PDLIM1: variants seen among roughly 807,000 people sequenced by gnomAD.
PDLIM1 encodes the protein PDZ and LIM domain protein 1.
Under a neutral mutation model 35.2 loss-of-function variants are expected in PDLIM1, and 25 were observed. The ratio of observed to expected loss-of-function variants is 0.71; its 90% CI spans 0.52 to 0.99. PDLIM1 has a LOEUF of 0.99. Among genes scored for constraint, PDLIM1 ranks in the 50% least tolerant of loss-of-function variants. The pLI is 0.00. For synonymous variants in PDLIM1, 152 were observed against 154.0 expected (o/e 0.99, Z 0.10); for missense variants, 363 against 415.3 (o/e 0.87, Z 1.09).
At chr10:95,270,047 T>A (rs1470664173) in intron 2 of PDLIM1, among the ~76,000 whole-genome samples, 2 of 152,152 alleles carry the variant, frequency 1.3e-5, no homozygotes, top group Non-Finnish European at 2.9e-5. Context: ...ATACTTAACT[T>A]TATATTTGTC....
At chr10:95,285,724 A>G (rs1243947496) in intron 1 of PDLIM1, among the ~76,000 whole-genome samples, 1 of 152,208 alleles carries the variant, frequency 6.6e-6, no homozygotes, top group Non-Finnish European at 1.5e-5. Flanking sequence ...ACTCACTGCT[A>G]TATGATGCAG....
At chr10:95,288,467 C>T (rs1003662283) in intron 1 of PDLIM1, among the ~76,000 whole-genome samples, 11 of 152,176 alleles carry the variant, frequency 7.2e-5, no homozygotes, top group Admixed American at 4.6e-4. Context: ...TTTGTCAGTG[C>T]TCACATTTCC....
intron 4 of PDLIM1, chr10:95,247,741 G>A (rs377296843): frequency 3.0e-5 from 5 of 164,660 alleles, no homozygotes; most frequent in Admixed American, 6.4e-5. Context: ...GAACTCAGCC[G>A]GGTCCCCCTT....
chr10:95,278,679 G>A (rs998247291), intron 1 of PDLIM1, among the ~76,000 whole-genome samples: 4 of 151,804 alleles, frequency 2.6e-5, no homozygotes, highest in African/African-American at 9.7e-5. Context: ...AGAGGATGAG[G>A]CTGTAGATGT....
chr10:95,256,986 A>AAGAAAGAAAG (rs566598672), intron 4 of PDLIM1, among the ~76,000 whole-genome samples: 5 of 61,662 alleles, frequency 8.1e-5, no homozygotes, highest in Middle Eastern at 8.2e-3. Context: ...AAAAAAAAAA[A>AAGAAAGAAAG]AAAGAAAGAA....
At chr10:95,276,108 G>C (rs2035509374) in intron 1 of PDLIM1, among the ~76,000 whole-genome samples, 1 of 152,078 alleles carries the variant, frequency 6.6e-6, no homozygotes, top group South Asian at 2.1e-4. Context: ...ATAATAATAT[G>C]ATTACCTCAC....
At chr10:95,239,518 G>A (rs552108853) in intron 5 of PDLIM1, among the ~76,000 whole-genome samples, 27 of 152,198 alleles carry the variant, frequency 1.8e-4, no homozygotes, top group Admixed American at 7.2e-4. Flanking sequence ...AAAATAAGCC[G>A]GGCACAGTAG....
chr10:95,249,662 C>A (rs576155069), intron 4 of PDLIM1, among the ~76,000 whole-genome samples: 1 of 152,340 alleles, frequency 6.6e-6, no homozygotes, highest in South Asian at 2.1e-4. Flanking sequence ...TCCTCTCCCT[C>A]TCTTCCTCTC....
chr10:95,268,917 C>A (rs1358492304), intron 2 of PDLIM1, 55 bp from the exon 3 acceptor site: 1 of 1,290,732 alleles, frequency 7.7e-7, no homozygotes, highest in African/African-American at 1.5e-5. Flanking sequence ...ATAATATATA[C>A]CAAAGACAAA....
At chr10:95,245,765 C>A (rs2035213820) in intron 5 of PDLIM1, among the ~76,000 whole-genome samples, 1 of 152,154 alleles carries the variant, frequency 6.6e-6, no homozygotes, top group Non-Finnish European at 1.5e-5. Context: ...AACACATGGC[C>A]CATGGTTTCC....
chr10:95,251,979 G>C (rs2035272011), intron 4 of PDLIM1, among the ~76,000 whole-genome samples: 1 of 152,174 alleles, frequency 6.6e-6, no homozygotes, highest in Non-Finnish European at 1.5e-5. Flanking sequence ...AGAGGAGCCT[G>C]CTGTATCTGA....
chr10:95,288,061 G>A (rs916833711), intron 1 of PDLIM1, among the ~76,000 whole-genome samples: 1 of 152,062 alleles, frequency 6.6e-6, no homozygotes, highest in African/African-American at 2.4e-5. Context: ...TTACATTTAG[G>A]GAACTTTTGG....
At chr10:95,286,504 G>C (rs1404484322) in intron 1 of PDLIM1, among the ~76,000 whole-genome samples, 1 of 152,042 alleles carries the variant, frequency 6.6e-6, no homozygotes, top group Non-Finnish European at 1.5e-5. Flanking sequence ...GATTTTCCCA[G>C]GATCACCCAC....
Position 95,263,921 on chromosome 10 carries a change from A to C in PDLIM1, c.476T>G (p.Phe159Cys). 6.2e-7 allele frequency: 1 copy of C among 1,613,838 alleles called. No homozygotes were observed. The highest frequency in any genetic ancestry group is 8.5e-7 in the Non-Finnish European group (1 of 1,179,956). ...AGTCTTTGACTCCAGGGCATTGTTG[A>C]AGTTGGAGATATTTTCAGAAGAGTA... ...GLYSSENISN[F>C]NNALESKTAA... is the part of the protein sequence containing the mutation. The change falls in exon 4 of 7, where the codon TTC (phenylalanine) becomes TGC (cysteine). Residue 159 changes from phenylalanine to cysteine, a missense_variant. Coordinates refer to ENST00000329399, the MANE Select transcript of PDLIM1 (RefSeq NM_020992.4).
At position 95,276,896 on chromosome 10, in the gene PDLIM1, TAAAAAAAAAAA is replaced by T. The variant is rs61442624; in HGVS notation, c.97-5123_97-5113del. ...CATAATAGAGTCAGCTTCAGTTTCCTAAAAAAAAAAAAAAAAAAAAAAAAAAAACTTCTGGG... is the reference window on the plus strand; with the variant it reads ...CATAATAGAGTCAGCTTCAGTTTCCTAAAAAAAAAAAAAAAAACTTCTGGG... On this transcript the variant is annotated intron_variant, in intron 1 of 6. Coordinates refer to ENST00000329399, the MANE Select transcript of PDLIM1 (RefSeq NM_020992.4). Among the ~76,000 whole-genome samples, 62 of 68,892 alleles carry T rather than the reference TAAAAAAAAAAA, an allele frequency of 9.0e-4. No homozygotes were observed. The South Asian group carries it at 0.014, about 15-fold the overall frequency. 45.2% of individuals were successfully genotyped at this position (68,892 alleles called of 152,430 possible). A position where few individuals can be genotyped will look rare whatever the true frequency, so the allele number is the denominator to read the frequency against.
chr10:95,275,816 G>T (rs928736453), intron 1 of PDLIM1, among the ~76,000 whole-genome samples: 3 of 152,154 alleles, frequency 2.0e-5, no homozygotes, highest in African/African-American at 2.4e-5. Context: ...TCCTGGACAA[G>T]CTAGAACCAG....
intron 4 of PDLIM1, among the ~76,000 whole-genome samples, chr10:95,257,539 G>C (rs1414674383): frequency 6.6e-6 from 1 of 152,028 alleles, no homozygotes; most frequent in Non-Finnish European, 1.5e-5. Context: ...TGATTAACAA[G>C]CATATGAAAA....
chr10:95,251,017 C>T (rs2035263269), intron 4 of PDLIM1, among the ~76,000 whole-genome samples: 1 of 152,184 alleles, frequency 6.6e-6, no homozygotes. Flanking sequence ...CCCTTGAGCC[C>T]ACCTCCCAGA....
At chr10:95,269,989 G>A (rs1381421270) in intron 2 of PDLIM1, among the ~76,000 whole-genome samples, 1 of 151,994 alleles carries the variant, frequency 6.6e-6, no homozygotes, top group East Asian at 1.9e-4. Context: ...TACCCACCTC[G>A]GCCTCCCAAA....
Sources: gnomAD v4.1 joint callset for allele counts (sites outside exome capture counted in the v4.1 genomes callset) on GRCh38, gnomAD v4.1.1 for gene constraint, MANE v1.5 for transcripts, NCBI Gene and HGNC (gene_info 2026-07-23, HGNC 2026-07-21) for gene names.